Variants in DLG2 observed in about 807,000 individuals in gnomAD.
The protein encoded by DLG2 is discs large MAGUK scaffold protein 2.
A neutral mutation model predicts 132.5 loss-of-function variants in DLG2; 45 were observed. That is an observed-to-expected ratio of 0.34 (90% CI 0.27 to 0.44). DLG2 has a LOEUF of 0.44. Among genes scored for constraint, DLG2 ranks in the 20% least tolerant of loss-of-function variants. The pLI, the probability that DLG2 is intolerant of heterozygous loss-of-function variation, is 1.00. For missense variants in DLG2, 1,045 were observed against 1,196.9 expected (o/e 0.87, Z 1.87); for synonymous variants, 424 against 419.6 (o/e 1.01, Z -0.13).
chr11:85,540,067 T>G (rs888795036), intron 3 of DLG2, among the ~76,000 whole-genome samples: 4 of 152,150 alleles, frequency 2.6e-5, no homozygotes, highest in Non-Finnish European at 5.9e-5. Context: ...ACTCCAATAC[T>G]GCTTTAGATA....
chr11:85,017,589 A>G (rs756638793), intron 6 of DLG2, among the ~76,000 whole-genome samples: 2 of 152,192 alleles, frequency 1.3e-5, no homozygotes, highest in Non-Finnish European at 2.9e-5. Flanking sequence ...CCTTTATGCT[A>G]TCACTAACCG....
chr11:84,420,814 G>A (rs1468711550), intron 7 of DLG2, among the ~76,000 whole-genome samples: 5 of 151,274 alleles, frequency 3.3e-5, no homozygotes, highest in Non-Finnish European at 5.9e-5. Context: ...GACTACAGGC[G>A]TGCGCCACCA....
rs557894410 is a variant in DLG2, at chr11:84,284,840, G to A, written c.520-33549C>T. Among the ~76,000 whole-genome samples the A allele has an allele frequency of 4.6e-5, 7 of 152,242 alleles. No individual in the cohort carries two copies. The East Asian group carries it at 5.8e-4, about 13-fold the overall frequency. ...TTCTTGACACTTTTCAAGGCCAGGT[G>A]TTAATCATATTTATCAGCTTGTTCT... is the stretch of plus-strand genomic sequence containing the variant. On this transcript the variant is annotated intron_variant, in intron 7 of 27. Transcript: ENST00000376104.
chr11:84,460,989 T>A (rs887887626), intron 7 of DLG2, among the ~76,000 whole-genome samples: 5 of 150,808 alleles, frequency 3.3e-5, no homozygotes, highest in Admixed American at 2.7e-4. Flanking sequence ...CTTTAATCAG[T>A]TCGACCTAAG....
At chr11:85,384,977 T>C (rs2086207055) in intron 3 of DLG2, among the ~76,000 whole-genome samples, 2 of 152,236 alleles carry the variant, frequency 1.3e-5, no homozygotes, top group Non-Finnish European at 2.9e-5. Context: ...TAAAATTACA[T>C]TCTTAGCTCA....
chr11:84,760,729 T>C (rs150122939), intron 6 of DLG2, among the ~76,000 whole-genome samples: 293 of 152,274 alleles, frequency 1.9e-3, no homozygotes, highest in Admixed American at 3.1e-3. Flanking sequence ...TATATACTAA[T>C]ATGAACAGGA....
At chr11:84,127,364 T>C (rs2094221998) in intron 9 of DLG2, among the ~76,000 whole-genome samples, 1 of 152,214 alleles carries the variant, frequency 6.6e-6, no homozygotes, top group Admixed American at 6.5e-5. Flanking sequence ...AATTAACCTT[T>C]CTAATCCTTC....
intron 7 of DLG2, among the ~76,000 whole-genome samples, chr11:84,336,400 T>G (rs75962257): frequency 0.039 from 5,992 of 152,268 alleles, 332 homozygotes; most frequent in East Asian, 0.21. Context: ...CCATTTTCAA[T>G]GCTCACAGAA....
chr11:83,690,235 A>G (rs2080738391), intron 18 of DLG2, among the ~76,000 whole-genome samples: 1 of 151,100 alleles, frequency 6.6e-6, no homozygotes, highest in Admixed American at 6.6e-5. Flanking sequence ...TCTCCTAGAC[A>G]GAAAAGACCT....
chr11:84,056,762 G>A (rs2096508117), intron 11 of DLG2, among the ~76,000 whole-genome samples: 1 of 152,086 alleles, frequency 6.6e-6, no homozygotes, highest in African/African-American at 2.4e-5. Context: ...GAGGGATGAG[G>A]AATTTAAACA....
At chr11:83,902,270 C>A (rs1039903755) in intron 15 of DLG2, among the ~76,000 whole-genome samples, 1 of 152,148 alleles carries the variant, frequency 6.6e-6, no homozygotes, top group Non-Finnish European at 1.5e-5. Context: ...CTATTTCTTG[C>A]TGTACTTGAT....
chr11:85,203,656 C>A (rs906067506), intron 4 of DLG2, among the ~76,000 whole-genome samples: 1 of 151,972 alleles, frequency 6.6e-6, no homozygotes, highest in Non-Finnish European at 1.5e-5. Flanking sequence ...TATTCAAAAA[C>A]ATTGAAAAGA....
chr11:84,208,127 C>T (rs1423466283), intron 8 of DLG2, among the ~76,000 whole-genome samples: 1 of 152,098 alleles, frequency 6.6e-6, no homozygotes, highest in Non-Finnish European at 1.5e-5. Context: ...TTCATGTATA[C>T]ATTAGTATTT....
At chr11:85,386,857 AC>A (rs1325785328) in intron 3 of DLG2, among the ~76,000 whole-genome samples, 1 of 149,708 alleles carries the variant, frequency 6.7e-6, no homozygotes, top group Non-Finnish European at 1.5e-5. Flanking sequence ...TAGGAAGGCA[AC>A]CAAAAAAAAA....
intron 6 of DLG2, among the ~76,000 whole-genome samples, chr11:84,941,171 G>A (rs2049370543): frequency 6.6e-6 from 1 of 152,122 alleles, no homozygotes; most frequent in South Asian, 2.1e-4. Flanking sequence ...GACTCCTCCA[G>A]TTTTGTTCTT....
Position 85,616,018 on chromosome 11 carries a change from T to A in DLG2, c.-93+10569A>T, listed in dbSNP as rs77352076. ...TCTCTTGATTTGATCCTCACAATAATCCTAAGAGGTATTAGTACTATACTT... is the reference window on the plus strand; with the variant it reads ...TCTCTTGATTTGATCCTCACAATAAACCTAAGAGGTATTAGTACTATACTT... On this transcript the variant is annotated intron_variant, in intron 2 of 27. Coordinates refer to ENST00000376104, the MANE Select transcript of DLG2 (RefSeq NM_001142699.3). 9.1e-3 allele frequency among the ~76,000 whole-genome samples: 1,382 copies of A among 151,104 alleles called. 19 individuals carry two copies. Among genetic ancestry groups the A allele is most frequent in the African/African-American group, 0.03 (1,236 of 41,304 alleles).
intron 9 of DLG2, among the ~76,000 whole-genome samples, chr11:84,130,570 C>T (rs2094380403): frequency 6.8e-6 from 1 of 147,338 alleles, no homozygotes; most frequent in African/African-American, 2.6e-5. Context: ...TAAGTATACG[C>T]ACACATAGAC....
intron 15 of DLG2, among the ~76,000 whole-genome samples, chr11:83,921,817 A>T (rs1372815286): frequency 6.6e-6 from 1 of 151,928 alleles, no homozygotes; most frequent in African/African-American, 2.4e-5. Context: ...AAATATTCAC[A>T]TCATCTCAGA....
Position 83,752,957 on chromosome 11 carries a change from G to A in DLG2, c.1825+33733C>T, listed in dbSNP as rs530962471. The stretch of plus-strand genomic sequence containing the variant: ...CTCAGCAGCTGACAATGAGAATGAG[G>A]AGAGTGTTGCTGAAAGTTTAAGGTA... On this transcript the variant is annotated intron_variant, in intron 18 of 27. Coordinates refer to ENST00000376104, the MANE Select transcript of DLG2 (RefSeq NM_001142699.3). 2.2e-3 allele frequency among the ~76,000 whole-genome samples: 339 copies of A among 152,320 alleles called. 1 individual carries two copies. The highest frequency in any genetic ancestry group is 7.9e-3 in the African/African-American group (328 of 41,570).
Sources: allele counts gnomAD v4.1 joint callset (sites outside exome capture counted in the v4.1 genomes callset), GRCh38; gene constraint gnomAD v4.1.1; transcripts MANE v1.5; gene names NCBI Gene and HGNC (gene_info 2026-07-23, HGNC 2026-07-21).